LUZP2: variants seen among roughly 807,000 people sequenced by gnomAD.
LUZP2 encodes the protein leucine zipper protein 2.
A neutral mutation model predicts 51.6 loss-of-function variants in LUZP2; 52 were observed. The ratio of observed to expected loss-of-function variants is 1.01; its 90% CI spans 0.81 to 1.27. LUZP2 has a LOEUF of 1.27. Among genes scored for constraint, LUZP2 ranks in the 50% most tolerant of loss-of-function variants. The pLI is 0.00. For synonymous variants in LUZP2, 154 were observed against 137.3 expected (o/e 1.12, Z -0.85); for missense variants, 436 against 395.4 (o/e 1.10, Z -0.87).
In LUZP2 at chr11:24,932,854, G is replaced by A. The variant is rs1854495523; in HGVS notation, c.522+18316G>A. Among the ~76,000 whole-genome samples, 4 of 152,150 alleles carry A rather than the reference G, an allele frequency of 2.6e-5. No individual in the cohort carries two copies. In the South Asian group the frequency reaches 8.3e-4, roughly 31 times the overall value. On this transcript the variant is annotated intron_variant, in intron 7 of 11. Transcript: ENST00000336930. ...GTCCAGGAAACTCTGCATTCAGTCA[G>A]AATTGTTACAAAGTACAGCTGGACG...
At chr11:24,524,442 C>T (rs906730492) in intron 1 of LUZP2, among the ~76,000 whole-genome samples, 3 of 151,668 alleles carry the variant, frequency 2.0e-5, no homozygotes, top group Admixed American at 1.3e-4. Flanking sequence ...ATTTTATTGA[C>T]TCTGAGGCAT....
At chr11:24,724,029 T>G (rs958348629) in intron 1 of LUZP2, among the ~76,000 whole-genome samples, 1 of 152,106 alleles carries the variant, frequency 6.6e-6, no homozygotes, top group African/African-American at 2.4e-5. Flanking sequence ...GGTTATATGT[T>G]GGGAGGAGGG....
chr11:24,662,067 C>T (rs896880995), intron 1 of LUZP2, among the ~76,000 whole-genome samples: 12 of 151,086 alleles, frequency 7.9e-5, no homozygotes, highest in African/African-American at 2.4e-4. Context: ...AATTTCAAAT[C>T]CTAAAGCAAG....
At chr11:25,036,652 C>A (rs1279839494) in intron 9 of LUZP2, among the ~76,000 whole-genome samples, 1 of 151,964 alleles carries the variant, frequency 6.6e-6, no homozygotes, top group Non-Finnish European at 1.5e-5. Flanking sequence ...TCCCAGAGAT[C>A]TGAGCAAGTT....
chr11:24,813,960 A>G (rs909943362), intron 5 of LUZP2, among the ~76,000 whole-genome samples: 13 of 152,170 alleles, frequency 8.5e-5, no homozygotes, highest in African/African-American at 3.1e-4. Flanking sequence ...AATAATAACA[A>G]CACCTTCAGT....
At chr11:24,726,693 A>G (rs538490999) in intron 1 of LUZP2, among the ~76,000 whole-genome samples, 2 of 152,244 alleles carry the variant, frequency 1.3e-5, no homozygotes, top group South Asian at 2.1e-4. Flanking sequence ...ATCAGTGGTA[A>G]AAATATATTC....
At chr11:24,524,624 G>A (rs931426119) in intron 1 of LUZP2, among the ~76,000 whole-genome samples, 2 of 151,634 alleles carry the variant, frequency 1.3e-5, no homozygotes, top group Admixed American at 6.6e-5. Context: ...CCTTGACACA[G>A]GTCTGTGGCA....
chr11:25,006,551 C>T (rs887713594), intron 9 of LUZP2, among the ~76,000 whole-genome samples: 8 of 152,292 alleles, frequency 5.3e-5, no homozygotes, highest in Admixed American at 3.9e-4. Context: ...AAGCCTGACA[C>T]CCGTGTCTTT....
At chr11:25,037,760 T>C (rs1031711054) in intron 9 of LUZP2, among the ~76,000 whole-genome samples, 8 of 152,176 alleles carry the variant, frequency 5.3e-5, no homozygotes, top group Admixed American at 3.3e-4. Flanking sequence ...GATTTTTTTT[T>C]TCTTCATGAA....
intron 5 of LUZP2, among the ~76,000 whole-genome samples, chr11:24,805,132 G>A (rs1354866938): frequency 1.3e-5 from 2 of 151,994 alleles, no homozygotes; most frequent in Non-Finnish European, 2.9e-5. Flanking sequence ...CACATGACTG[G>A]AGAGGCCTCA....
chr11:24,609,863 C>T (rs771485317), intron 1 of LUZP2, among the ~76,000 whole-genome samples: 2 of 151,310 alleles, frequency 1.3e-5, no homozygotes, highest in African/African-American at 2.4e-5. Context: ...GAGGTCACAG[C>T]AAACCAAAAA....
rs967724760 is a variant in LUZP2 at position 25,079,461 on chromosome 11, A to G, written c.*803A>G. 1 of 152,180 alleles carries G rather than the reference A, an allele frequency of 6.6e-6. No homozygotes were observed. Among genetic ancestry groups the G allele is most frequent in the Non-Finnish European group, 1.5e-5 (1 of 68,002 alleles). The allele number at this position is 152,180 out of a possible 1,614,324, so 9.4% of individuals were successfully genotyped here. On this transcript the variant is annotated 3_prime_UTR_variant, in exon 12 of 12. Coordinates refer to ENST00000336930, the MANE Select transcript of LUZP2 (RefSeq NM_001009909.4). Reference sequence around the variant, plus strand: ...GAATGAAGAGTGAGTTCTAAAATACAAATATGAAAGCAGGTAATATATATC... The same window carrying G: ...GAATGAAGAGTGAGTTCTAAAATACGAATATGAAAGCAGGTAATATATATC...
intron 5 of LUZP2, among the ~76,000 whole-genome samples, chr11:24,868,845 A>G (rs1042934031): frequency 1.1e-4 from 16 of 152,166 alleles, no homozygotes; most frequent in African/African-American, 3.9e-4. Context: ...CATAATCCAT[A>G]TCAAAGACAA....
chr11:24,890,736 G>A (rs949037435), intron 5 of LUZP2, among the ~76,000 whole-genome samples: 2 of 152,150 alleles, frequency 1.3e-5, no homozygotes, highest in South Asian at 4.1e-4. Flanking sequence ...TTATTTCATA[G>A]ATAAGAGTCA....
chr11:24,855,936 C>T lies in LUZP2; in HGVS notation c.397-50055C>T, dbSNP rs1851552446. ...CAGAAAAATGAAACTATGTATCTTA[C>T]CATATATAAAAATTGACTCAAGATA... On this transcript the variant is annotated intron_variant, in intron 5 of 11. Transcript: ENST00000336930. Among the ~76,000 whole-genome samples the T allele has an allele frequency of 2.0e-5, 3 of 152,014 alleles. No homozygotes were observed. The South Asian group carries it at 6.2e-4, about 31-fold the overall frequency.
chr11:24,518,436 G>C (rs57056516), intron 1 of LUZP2, among the ~76,000 whole-genome samples: 14,342 of 152,086 alleles, frequency 0.094, 981 homozygotes, highest in African/African-American at 0.19. Flanking sequence ...AAGATAACAA[G>C]CTATTTGAGG....
intron 5 of LUZP2, among the ~76,000 whole-genome samples, chr11:24,801,980 T>A (rs1849711747): frequency 6.6e-6 from 1 of 151,928 alleles, no homozygotes; most frequent in Non-Finnish European, 1.5e-5. Flanking sequence ...GTACATATGT[T>A]TAATGATTTT....
At chr11:25,050,580 A>G (rs2134022684) in intron 10 of LUZP2, among the ~76,000 whole-genome samples, 1 of 152,252 alleles carries the variant, frequency 6.6e-6, no homozygotes, top group East Asian at 1.9e-4. Context: ...CTGGGATTAC[A>G]GGCATGAGCC....
At chr11:24,787,992 G>A (rs569113665) in intron 5 of LUZP2, among the ~76,000 whole-genome samples, 31 of 151,924 alleles carry the variant, frequency 2.0e-4, no homozygotes, top group Admixed American at 3.9e-4. Flanking sequence ...CATTGTCCCC[G>A]TAAACTTTTT....
Sources: allele counts gnomAD v4.1 joint callset (sites outside exome capture counted in the v4.1 genomes callset), GRCh38; gene constraint gnomAD v4.1.1; transcripts MANE v1.5; gene names NCBI Gene and HGNC (gene_info 2026-07-23, HGNC 2026-07-21).